KCNG3: variants seen among roughly 807,000 people sequenced by gnomAD.
KCNG3 encodes potassium voltage-gated channel modifier subfamily G member 3.
KCNG3 carries 15 observed loss-of-function variants against 29.0 expected under a neutral mutation model. That is an observed-to-expected ratio of 0.52 (90% CI 0.35 to 0.80). The LOEUF (loss-of-function observed/expected upper bound fraction) is 0.80, where lower values mean the gene tolerates loss of function less well. Ranked by LOEUF, KCNG3 falls within the 30% of genes least tolerant of loss-of-function variation. The pLI, the probability that KCNG3 is intolerant of heterozygous loss-of-function variation, is 0.01. For missense variants in KCNG3, 512 were observed against 605.7 expected (o/e 0.85, Z 1.62); for synonymous variants, 322 against 248.9 (o/e 1.29, Z -2.76).
At chr2:42,479,809 A>C (rs7572642) in intron 1 of KCNG3, among the ~76,000 whole-genome samples, 1 of 152,092 alleles carries the variant, frequency 6.6e-6, no homozygotes, top group African/African-American at 2.4e-5. Context: ...CCAGGAGTTC[A>C]AGACCTGCCT....
At chr2:42,437,173 T>G (rs946433237), downstream of KCNG3, among the ~76,000 whole-genome samples, 10 of 152,128 alleles carry the variant, frequency 6.6e-5, no homozygotes, top group African/African-American at 2.4e-4. Context: ...CACAAAAAGA[T>G]GCATACATAA....
At chr2:42,409,269 C>A in the KCNG3 span, among the ~76,000 whole-genome samples, 1 of 152,090 alleles carries the variant, frequency 6.6e-6, no homozygotes, top group Non-Finnish European at 1.5e-5. Context: ...GCCAGAAAAA[C>A]GACACCCCAA....
rs112588454 is a variant in KCNG3, at chr2:42,465,221, C to CTT, written c.666-20644_666-20643dup. 4.2e-3 allele frequency among the ~76,000 whole-genome samples: 603 copies of CTT among 144,200 alleles called. 6 individuals are homozygous for CTT. Among genetic ancestry groups the CTT allele is most frequent in the East Asian group, 0.015 (77 of 4,990 alleles). The allele number at this position is 144,200 out of a possible 152,430, so 94.6% of individuals were successfully genotyped here. ...GAGTATTTAATTTCTTTCTTTCTTT[C>CTT]TTTTTTTTTTTTTGAAACAGGGTTT... On this transcript the variant is annotated intron_variant, in intron 1 of 1. Transcript: ENST00000306078.
intron 1 of KCNG3, among the ~76,000 whole-genome samples, chr2:42,487,298 T>C (rs895540099): frequency 1.3e-5 from 2 of 151,656 alleles, no homozygotes; most frequent in African/African-American, 2.4e-5. Flanking sequence ...GAAAACAAAG[T>C]ATTTGCAACT....
Position 42,485,700 on chromosome 2 carries a change from G to A in KCNG3, c.665+7137C>T, listed in dbSNP as rs190605679. 9.9e-5 allele frequency among the ~76,000 whole-genome samples: 15 copies of A among 152,118 alleles called. No individual in the cohort carries two copies. In the East Asian group the frequency reaches 2.3e-3, roughly 24 times the overall value. ...CCTGACCTCGTGATCCACCCGCCTC[G>A]GCCTCCCAAAGTGCTGGGATTACAG... On this transcript the variant is annotated intron_variant, in intron 1 of 1. Coordinates refer to ENST00000306078, the MANE Select transcript of KCNG3 (RefSeq NM_133329.6).
chr2:42,423,443 C>T, the KCNG3 span, among the ~76,000 whole-genome samples: 2 of 152,198 alleles, frequency 1.3e-5, no homozygotes, highest in Admixed American at 1.3e-4. Flanking sequence ...AATCTGACCT[C>T]TGCCCACCCA....
chr2:42,393,022 A>G, the KCNG3 span, among the ~76,000 whole-genome samples: 3 of 152,274 alleles, frequency 2.0e-5, no homozygotes, highest in African/African-American at 4.8e-5. Flanking sequence ...TACAAACACA[A>G]ATTGTTATTA....
At chr2:42,434,382 G>A in the KCNG3 span, among the ~76,000 whole-genome samples, 3 of 138,792 alleles carry the variant, frequency 2.2e-5, no homozygotes, top group Non-Finnish European at 4.5e-5. Flanking sequence ...TTTGAGCCCA[G>A]GAGGAGGTTG....
intron 1 of KCNG3, among the ~76,000 whole-genome samples, chr2:42,460,806 G>A (rs986220205): frequency 6.6e-6 from 1 of 152,036 alleles, no homozygotes. Flanking sequence ...GAAAACAAAA[G>A]GCACCCCAAA....
chr2:42,437,358 G>A (rs150258804), downstream of KCNG3, among the ~76,000 whole-genome samples: 3 of 152,262 alleles, frequency 2.0e-5, no homozygotes, highest in African/African-American at 7.2e-5. Flanking sequence ...GAATATTTAT[G>A]TGATTTGTAT....
At chr2:42,451,835 G>A (rs1672762496) in intron 1 of KCNG3, among the ~76,000 whole-genome samples, 1 of 152,126 alleles carries the variant, frequency 6.6e-6, no homozygotes, top group South Asian at 2.1e-4. Context: ...AGGAGTTCAA[G>A]GCTGCAGGGA....
At chr2:42,452,245 T>TATATATATATATATATA in intron 1 of KCNG3, among the ~76,000 whole-genome samples, 1 of 47,436 alleles carries the variant, frequency 2.1e-5, no homozygotes, top group East Asian at 1.1e-3. Flanking sequence ...ATATATATAT[T>TATATATATATATATATA]TTTTTTTTTT....
chr2:42,485,966 G>C (rs1439243190), intron 1 of KCNG3, among the ~76,000 whole-genome samples: 2 of 152,172 alleles, frequency 1.3e-5, no homozygotes, highest in Admixed American at 1.3e-4. Context: ...TTGTGAATGT[G>C]CTCACTATTA....
At chr2:42,432,934 T>TAAAAAAA in the KCNG3 span, among the ~76,000 whole-genome samples, 1 of 132,760 alleles carries the variant, frequency 7.5e-6, no homozygotes. Context: ...GCTTTTATGA[T>TAAAAAAA]AAAAAAAAAA....
intron 1 of KCNG3, among the ~76,000 whole-genome samples, chr2:42,476,845 A>G (rs1673439094): frequency 6.6e-6 from 1 of 151,248 alleles, no homozygotes; most frequent in South Asian, 2.1e-4. Flanking sequence ...TTTGCAAAAG[A>G]ATTTGTTGCC....
intron 1 of KCNG3, among the ~76,000 whole-genome samples, chr2:42,455,673 G>A (rs899688740): frequency 6.6e-6 from 1 of 152,286 alleles, no homozygotes; most frequent in Admixed American, 6.5e-5. Flanking sequence ...GGAGGCTGAA[G>A]TGGGAGGATC....
At chr2:42,457,539 G>C (rs1012599287) in intron 1 of KCNG3, among the ~76,000 whole-genome samples, 2 of 150,610 alleles carry the variant, frequency 1.3e-5, no homozygotes, top group African/African-American at 4.9e-5. Context: ...GATAATAAAT[G>C]GCAGGTTAAT....
chr2:42,430,127 G>A, the KCNG3 span, among the ~76,000 whole-genome samples: 5 of 152,098 alleles, frequency 3.3e-5, no homozygotes, highest in Admixed American at 2.0e-4. Context: ...AGCAATTTGG[G>A]TGGCCAAGGC....
At chr2:42,482,199 A>T (rs1382022144) in intron 1 of KCNG3, among the ~76,000 whole-genome samples, 2 of 152,238 alleles carry the variant, frequency 1.3e-5, no homozygotes, top group Admixed American at 1.3e-4. Flanking sequence ...TCCTAAATAC[A>T]TAGTCGGTGC....
Sources: gnomAD v4.1 joint callset for allele counts (sites outside exome capture counted in the v4.1 genomes callset) on GRCh38, gnomAD v4.1.1 for gene constraint, MANE v1.5 for transcripts, NCBI Gene and HGNC (gene_info 2026-07-23, HGNC 2026-07-21) for gene names.